The following CCDC180 variants were observed in gnomAD, a reference collection of about 807,000 sequenced individuals.
The protein encoded by CCDC180 is coiled-coil domain containing 180, also known as coiled-coil domain-containing protein 180.
Under a neutral mutation model 209.2 loss-of-function variants are expected in CCDC180, and 154 were observed. That is an observed-to-expected ratio of 0.74 (90% CI 0.65 to 0.84). The LOEUF is 0.84. CCDC180 is among the 40% of genes least tolerant of loss of function. The pLI is 0.00. For missense variants in CCDC180, 1,874 were observed against 1,997.3 expected, an observed-to-expected ratio of 0.94 and a Z score of 1.18; for synonymous variants, 778 against 749.1, an observed-to-expected ratio of 1.04 and a Z score of -0.63.
At chr9:97,311,866 A>G (rs10981551) in intron 3 of CCDC180, among the ~76,000 whole-genome samples, 27,866 of 152,074 alleles carry the variant, frequency 0.18, 3,171 homozygotes, top group Middle Eastern at 0.28. Context: ...AGCCAGAGCA[A>G]GCTCCCTGAG....
In CCDC180 at chr9:97,376,783, G is replaced by C. The variant is rs757833952; in HGVS notation, c.4863G>C (p.Glu1621Asp). Reference protein sequence around the residue: ...AVYLKYLASFEEELKRIQDDC... With the variant: ...AVYLKYLASFDEELKRIQDDC... ...TCTAGAAATATTTAGCATCATTTGA[G>C]GAGGAGCTAAAGAGGATCCAGGATG... The change falls in exon 37 of 37, where the codon GAG becomes GAC. Residue 1621 changes from glutamate (E) to aspartate (D), a missense_variant. Glu to Asp is a conservative substitution (Grantham distance 45). Coordinates refer to ENST00000529487, the MANE Select transcript of CCDC180 (RefSeq NM_020893.6). 6.2e-7 allele frequency: 1 copy of C among 1,613,410 alleles called. No individual in the cohort carries two copies. The highest frequency in any genetic ancestry group is 2.2e-5 in the East Asian group (1 of 44,882).
At chr9:97,352,945 G>GTGTGTA (rs1554731866) in intron 22 of CCDC180, among the ~76,000 whole-genome samples, 1 of 136,378 alleles carries the variant, frequency 7.3e-6, no homozygotes, top group African/African-American at 2.7e-5. Flanking sequence ...ATATACGTAT[G>GTGTGTA]TATATATATA....
At chr9:97,370,859 G>A in intron 33 of CCDC180, 81 bp downstream of exon 33, 3 of 1,462,318 alleles carry the variant, frequency 2.1e-6, no homozygotes, top group South Asian at 1.4e-5. Flanking sequence ...GCCAGGTGCA[G>A]CCCTTTCTTG....
In CCDC180 at chr9:97,320,065, C is replaced by T. The variant is rs1833305942; in HGVS notation, c.1080-61C>T. On this transcript the variant is annotated intron_variant, in intron 10 of 36. Coordinates refer to ENST00000529487, the MANE Select transcript of CCDC180 (RefSeq NM_020893.6). The stretch of plus-strand genomic sequence containing the variant: ...GAGCTATGTTCCTTGAAGATGCTAC[C>T]CATTTTGGTGAGTAAACGGTTTGTT... 4.0e-6 allele frequency: 5 copies of T among 1,250,060 alleles called. No individual in the cohort carries two copies. In the South Asian group the frequency reaches 6.0e-5, roughly 15 times the overall value. 77.4% of individuals were successfully genotyped at this position (1,250,060 alleles called of 1,614,324 possible). A position where few individuals can be genotyped will look rare whatever the true frequency, so the allele number is the denominator to read the frequency against.
chr9:97,331,624 G>A, intron 18 of CCDC180, among the ~76,000 whole-genome samples: 1 of 152,096 alleles, frequency 6.6e-6, no homozygotes, highest in Middle Eastern at 3.2e-3. Context: ...TCTCATTGTG[G>A]TTTTGATTTG....
chr9:97,307,622 T>G (rs1587772622), upstream of CCDC180: 29 of 977,820 alleles, frequency 3.0e-5, no homozygotes, highest in East Asian at 6.7e-4. Context: ...ATGCGAATTC[T>G]GCGCCGCATT....
chr9:97,367,001 A>AT lies in CCDC180; in HGVS notation c.4189+304dup, dbSNP rs1240387239. Among the ~76,000 whole-genome samples, 8 of 152,312 alleles carry AT rather than the reference A, an allele frequency of 5.3e-5. No individual in the cohort carries two copies. The South Asian group carries it at 1.4e-3, about 28-fold the overall frequency. On this transcript the variant is annotated intron_variant, in intron 31 of 36. Transcript: ENST00000529487. ...TGTTGAGATACTTGGGTACCATAAAATTTACACATGTAGTGTACTCAATGT... is the reference window on the plus strand; with the variant it reads ...TGTTGAGATACTTGGGTACCATAAAATTTTACACATGTAGTGTACTCAATGT...
rs1348098552 is a variant in CCDC180 at position 97,366,523 on chromosome 9, G to A, written c.4048-36G>A. On this transcript the variant is annotated intron_variant, in intron 30 of 36. Transcript: ENST00000529487. This position sits in a 1 kb window ranked among gnomAD's most constrained non-coding sequence, Gnocchi z 4.3. ...CAGGAGCAAGGGCCAGAGTCCCATG[G>A]AGTCCTCACCCGCACATGGTCACCC... The A allele has an allele frequency of 2.5e-6, 4 of 1,607,636 alleles. No individual in the cohort carries two copies. In the South Asian group the frequency reaches 3.3e-5, roughly 13 times the overall value.
chr9:97,362,507 A>C (rs879009426), intron 28 of CCDC180, 66 bp downstream of exon 28: 35 of 1,559,560 alleles, frequency 2.2e-5, no homozygotes, highest in Middle Eastern at 2.1e-4. Context: ...GCAGGAGATG[A>C]CCTATGGCTT....
chr9:97,317,104 G>T lies in CCDC180; in HGVS notation c.835G>T (p.Ala279Ser), dbSNP rs41281928. ...YALLGNRKAL[A>S]QLFVNLMEST... ...CCTGCTGGGCAACCGGAAGGCTCTC[G>T]CCCAGCTGTTTGTCAACCTGATGGA... The change falls in exon 9 of 37, where the codon GCC becomes TCC. Residue 279 changes from alanine (A) to serine (S), a missense_variant. Coordinates refer to ENST00000529487, the MANE Select transcript of CCDC180 (RefSeq NM_020893.6). 1 of 1,613,380 alleles carries T rather than the reference G, an allele frequency of 6.2e-7. No homozygotes were observed. Among genetic ancestry groups the T allele is most frequent in the East Asian group, 2.2e-5 (1 of 44,868 alleles).
At chr9:97,339,302 G>T (rs914950758) in intron 18 of CCDC180, among the ~76,000 whole-genome samples, 2 of 152,152 alleles carry the variant, frequency 1.3e-5, no homozygotes, top group African/African-American at 4.8e-5. Flanking sequence ...GGTACCGGTT[G>T]TTCCTTTCCA....
chr9:97,342,124 C>A (rs558224801), intron 18 of CCDC180, among the ~76,000 whole-genome samples: 1 of 152,248 alleles, frequency 6.6e-6, no homozygotes, highest in Non-Finnish European at 1.5e-5. Flanking sequence ...CGACCCCTTG[C>A]GCTTCCCGGG....
At position 97,333,518 on chromosome 9, in the gene CCDC180, T is replaced by C. The variant is rs967408683; in HGVS notation, c.2274+2751T>C. Among the ~76,000 whole-genome samples the C allele has an allele frequency of 6.7e-5, 10 of 149,872 alleles. 1 individual carries two copies. Among genetic ancestry groups the C allele is most frequent in the Non-Finnish European group, 1.3e-4 (9 of 67,488 alleles). Reference sequence around the variant, plus strand: ...CTGGGTTTGGGTTTTTTTTTTTTTTTTTTTTTTTTTTGGTTTGTAGGCTAT... The same window carrying C: ...CTGGGTTTGGGTTTTTTTTTTTTTTCTTTTTTTTTTTGGTTTGTAGGCTAT... On this transcript the variant is annotated intron_variant, in intron 18 of 36. Coordinates refer to ENST00000529487, the MANE Select transcript of CCDC180 (RefSeq NM_020893.6).
intron 36 of CCDC180, chr9:97,376,164 C>A (rs957107018): frequency 3.8e-5 from 6 of 156,826 alleles, no homozygotes; most frequent in African/African-American, 1.4e-4. Flanking sequence ...GTCAGACCCC[C>A]TGGGGACAGC....
intron 18 of CCDC180, among the ~76,000 whole-genome samples, chr9:97,334,341 C>T (rs999430941): frequency 1.3e-5 from 2 of 152,164 alleles, no homozygotes; most frequent in African/African-American, 4.8e-5. Context: ...GTGGACTTTA[C>T]ATGGATTACA....
At chr9:97,340,183 C>T (rs775256682) in intron 18 of CCDC180, among the ~76,000 whole-genome samples, 2 of 152,208 alleles carry the variant, frequency 1.3e-5, no homozygotes, top group African/African-American at 2.4e-5. Context: ...AGTCATTCTC[C>T]ATCCTGCTTT....
intron 22 of CCDC180, among the ~76,000 whole-genome samples, chr9:97,354,187 A>C (rs1826500873): frequency 6.6e-6 from 1 of 151,860 alleles, no homozygotes; most frequent in Non-Finnish European, 1.5e-5. Context: ...TTTTAGAGAC[A>C]GGGTCCTGCT....
chr9:97,356,073 G>A (rs1826575859), intron 24 of CCDC180, among the ~76,000 whole-genome samples: 1 of 152,188 alleles, frequency 6.6e-6, no homozygotes, highest in Non-Finnish European at 1.5e-5. Context: ...TGAGGCAGAA[G>A]TGTGAGGCTG....
intron 21 of CCDC180, 140 bp downstream of exon 21, chr9:97,349,431 AAG>A (rs1826362520): frequency 1.4e-6 from 1 of 725,450 alleles, no homozygotes; most frequent in East Asian, 2.7e-5. Context: ...TAAACTCTTC[AAG>A]AGAGTCAAGT....
Sources: allele counts gnomAD v4.1 joint callset (sites outside exome capture counted in the v4.1 genomes callset), GRCh38; gene constraint gnomAD v4.1.1; non-coding constraint Gnocchi (gnomAD v3.1); transcripts MANE v1.5; gene names NCBI Gene and HGNC (gene_info 2026-07-23, HGNC 2026-07-21).